The following ADRA1A variants were observed in gnomAD, a reference collection of about 807,000 sequenced individuals.
ADRA1A encodes the protein adrenoceptor alpha 1A.
Under a neutral mutation model 29.6 loss-of-function variants are expected in ADRA1A, and 31 were observed. The observed-to-expected ratio is 1.05, with a 90% CI of 0.79 to 1.41. The LOEUF is 1.41. Among genes scored for constraint, ADRA1A ranks in the 40% most tolerant of loss-of-function variants. The pLI, the probability that ADRA1A is intolerant of heterozygous loss-of-function variation, is 0.00. For synonymous variants in ADRA1A, 311 were observed against 254.3 expected (o/e 1.22, Z -2.12); for missense variants, 619 against 601.1 (o/e 1.03, Z -0.31).
Position 26,770,415 on chromosome 8 carries a change from C to A in ADRA1A, c.1135G>T (p.Val379Leu), listed in dbSNP as rs573286753. Residue 379 changes from valine (V) to leucine (L), a missense_variant, in exon 3 of 3, where the codon GTG (valine) becomes TTG (leucine). Val to Leu is a conservative substitution (Grantham distance 32, BLOSUM62 1). Coordinates refer to ENST00000380573, the MANE Select transcript of ADRA1A (RefSeq NM_000680.4). ...GQHKDMVRIP[V>L]GSRETFYRIS... ...CTGTAGAAGGTCTCTCTTGATCCCA[C>A]GGGGATGCGCACCATGTCCTTGTGT... 34 of 1,614,174 alleles carry A rather than the reference C, an allele frequency of 2.1e-5. No homozygotes were observed. The African/African-American group carries it at 3.9e-4, about 18-fold the overall frequency.
At chr8:26,779,411 T>C (rs1414964421) in intron 2 of ADRA1A, 3 of 702,464 alleles carry the variant, frequency 4.3e-6, no homozygotes, top group Non-Finnish European at 2.6e-6. Context: ...TTTTTCCTTC[T>C]TGGGCCTCAG....
chr8:26,778,968 T>G lies in ADRA1A; in HGVS notation c.884-8302A>C, dbSNP rs1190002752. On this transcript the variant is annotated intron_variant, in intron 2 of 2. Transcript: ENST00000380573. ...TAAAAAAAATATATATATATATAAA[T>G]TTTTTTAATTGTCTCTGCACAAAAT... 4 of 152,750 alleles carry G rather than the reference T, an allele frequency of 2.6e-5. No homozygotes were observed. The Admixed American group carries it at 2.6e-4, about 10-fold the overall frequency. 9.5% of individuals were successfully genotyped at this position (152,750 alleles called of 1,614,324 possible).
intron 2 of ADRA1A, among the ~76,000 whole-genome samples, chr8:26,808,642 T>A (rs1467961280): frequency 1.3e-5 from 2 of 152,180 alleles, no homozygotes; most frequent in Non-Finnish European, 2.9e-5. Flanking sequence ...CTCCTTTGCT[T>A]AGGAGGTTTT....
chr8:26,759,250 T>A (rs1401685291), intron 2 of ADRA1A, among the ~76,000 whole-genome samples: 1 of 152,214 alleles, frequency 6.6e-6, no homozygotes, highest in Non-Finnish European at 1.5e-5. Flanking sequence ...GAAGTTTAGG[T>A]ATCAGGGTTG....
intron 2 of ADRA1A, among the ~76,000 whole-genome samples, chr8:26,820,747 C>T (rs890405328): frequency 2.0e-5 from 3 of 152,102 alleles, no homozygotes; most frequent in Admixed American, 6.5e-5. Flanking sequence ...AATGCAGCTT[C>T]TATAGGTAAT....
chr8:26,855,354 C>A (rs1307273860), intron 2 of ADRA1A, among the ~76,000 whole-genome samples: 1 of 151,138 alleles, frequency 6.6e-6, no homozygotes, highest in Non-Finnish European at 1.5e-5. Flanking sequence ...GACTGGCAAC[C>A]CAGGATTTGT....
chr8:26,864,715 G>A lies in ADRA1A; in HGVS notation c.255C>T (p.Ile85=). 1 of 1,614,188 alleles carries A rather than the reference G, an allele frequency of 6.2e-7. No homozygotes were observed. Among genetic ancestry groups the A allele is most frequent in the Non-Finnish European group, 8.5e-7 (1 of 1,180,048 alleles). The change falls in exon 2 of 3, where the codon ATC becomes ATT. Residue 85 remains isoleucine, a synonymous_variant. Coordinates refer to ENST00000380573, the MANE Select transcript of ADRA1A (RefSeq NM_000680.4). This position sits in a 1 kb window ranked among gnomAD's most constrained non-coding sequence, Gnocchi z 8.1. ...LTSTVLPFSA[I]FEVLGYWAFG... is the part of the protein sequence containing the mutation. ...AGGCCCAGTAGCCTAGGACCTCGAA[G>A]ATGGCGGAGAAGGGCAGCACCGTGG...
rs907087269 is a variant in ADRA1A, at chr8:26,806,561, A to C, written c.884-35895T>G. On this transcript the variant is annotated intron_variant, in intron 2 of 2. Coordinates refer to ENST00000380573, the MANE Select transcript of ADRA1A (RefSeq NM_000680.4). The surrounding 1 kb of genome is among the most constrained non-coding windows in gnomAD (Gnocchi z 4.6). ...GGAATCCAGATAGCAACTCATCACTAAGGAGGGCCACCATTAATTAGTGGG... is the reference window on the plus strand; with the variant it reads ...GGAATCCAGATAGCAACTCATCACTCAGGAGGGCCACCATTAATTAGTGGG... Among the ~76,000 whole-genome samples the C allele has an allele frequency of 1.3e-5, 2 of 152,128 alleles. No homozygotes were observed. The highest frequency in any genetic ancestry group is 4.8e-5 in the African/African-American group (2 of 41,422).
Position 26,796,505 on chromosome 8 carries a change from T to C in ADRA1A, c.884-25839A>G, listed in dbSNP as rs186071420. 6.6e-6 allele frequency among the ~76,000 whole-genome samples: 1 copy of C among 152,196 alleles called. No homozygotes were observed. The highest frequency in any genetic ancestry group is 1.5e-5 in the Non-Finnish European group (1 of 67,998). ...TTTGTTCCCAGCCTCCTGGATTCATTATGAATGAACAAAGACTGGTAGAAA... is the reference window on the plus strand; with the variant it reads ...TTTGTTCCCAGCCTCCTGGATTCATCATGAATGAACAAAGACTGGTAGAAA... On this transcript the variant is annotated intron_variant, in intron 2 of 2. Coordinates refer to ENST00000380573, the MANE Select transcript of ADRA1A (RefSeq NM_000680.4). The surrounding 1 kb of genome is among the most constrained non-coding windows in gnomAD (Gnocchi z 5.0).
intron 2 of ADRA1A, among the ~76,000 whole-genome samples, chr8:26,835,043 C>T (rs1377661351): frequency 6.6e-6 from 1 of 152,168 alleles, no homozygotes; most frequent in Non-Finnish European, 1.5e-5. Context: ...ATACAAGCCC[C>T]TATTTTTATT....
chr8:26,834,289 TTTATCCA>T (rs1393048542), intron 2 of ADRA1A, among the ~76,000 whole-genome samples: 1 of 152,218 alleles, frequency 6.6e-6, no homozygotes, highest in Non-Finnish European at 1.5e-5. Context: ...AGATATCAGT[TTTATCCA>T]TTCTGATTTA....
chr8:26,797,191 G>C (rs114276283), intron 2 of ADRA1A, among the ~76,000 whole-genome samples: 2,635 of 152,174 alleles, frequency 0.017, 68 homozygotes, highest in African/African-American at 0.057. Flanking sequence ...CAAAAATGTA[G>C]AACAATATTA....
chr8:26,756,958 C>T, intron 2 of ADRA1A: 2 of 918,924 alleles, frequency 2.2e-6, no homozygotes, highest in Non-Finnish European at 3.3e-6. Context: ...AGTTGAGGAT[C>T]CCTCTCATTT....
intron 2 of ADRA1A, among the ~76,000 whole-genome samples, chr8:26,811,195 C>CTTT (rs745317292): frequency 7.9e-6 from 1 of 126,100 alleles, no homozygotes; most frequent in Non-Finnish European, 1.7e-5. Flanking sequence ...TCTTTCTTTT[C>CTTT]TTTTTTTTTT....
intron 2 of ADRA1A, among the ~76,000 whole-genome samples, chr8:26,799,438 T>C (rs1171130554): frequency 6.6e-6 from 1 of 152,196 alleles, no homozygotes; most frequent in African/African-American, 2.4e-5. Context: ...TGACTTCCAG[T>C]GAATCTGTGT....
intron 2 of ADRA1A, among the ~76,000 whole-genome samples, chr8:26,824,865 G>A (rs1483206772): frequency 6.6e-6 from 1 of 152,138 alleles, no homozygotes; most frequent in South Asian, 2.1e-4. Context: ...TGTTAAATGA[G>A]CCCATCTTTA....
At chr8:26,765,805 C>T, downstream of ADRA1A, 1 of 1,323,578 alleles carries the variant, frequency 7.6e-7, no homozygotes, top group Non-Finnish European at 9.6e-7. Context: ...AGACCAGCCC[C>T]AGAAGCAATT....
chr8:26,770,695 A>G (rs764911902), intron 2 of ADRA1A, 29 bp from the exon 3 acceptor site: 22 of 1,555,992 alleles, frequency 1.4e-5, no homozygotes, highest in Non-Finnish European at 1.8e-5. Flanking sequence ...ATTTATACAT[A>G]TTATTTGAAA....
chr8:26,819,481 C>G (rs1040602041), intron 2 of ADRA1A, among the ~76,000 whole-genome samples: 2 of 151,876 alleles, frequency 1.3e-5, no homozygotes, highest in Non-Finnish European at 2.9e-5. Context: ...ATAAATCAAA[C>G]GTGTGTTGGG....
Sources: allele counts gnomAD v4.1 joint callset (sites outside exome capture counted in the v4.1 genomes callset), GRCh38; gene constraint gnomAD v4.1.1; non-coding constraint Gnocchi (gnomAD v3.1); transcripts MANE v1.5; gene names NCBI Gene and HGNC (gene_info 2026-07-23, HGNC 2026-07-21).